DAB1: variants seen among roughly 807,000 people sequenced by gnomAD.
DAB1 encodes the protein disabled homolog 1.
In DAB1, 15 loss-of-function variants were observed where a neutral mutation model predicts 64.6. The ratio of observed to expected loss-of-function variants is 0.23; its 90% CI spans 0.16 to 0.36. The LOEUF (loss-of-function observed/expected upper bound fraction) is 0.36. Ranked by LOEUF, DAB1 falls within the 10% of genes least tolerant of loss-of-function variation. DAB1 has a pLI of 1.00. For synonymous variants in DAB1, 235 were observed against 251.9 expected, an observed-to-expected ratio of 0.93 and a Z score of 0.64; for missense variants, 596 against 706.7, an observed-to-expected ratio of 0.84 and a Z score of 1.78.
At chr1:57,935,901 A>T (rs77515823) in intron 5 of DAB1, among the ~76,000 whole-genome samples, 11 of 152,206 alleles carry the variant, frequency 7.2e-5, no homozygotes, top group Non-Finnish European at 1.3e-4. Context: ...GCAGATCTCA[A>T]TTTTTGCAAT....
chr1:57,429,760 T>C (rs987210313), intron 7 of DAB1, among the ~76,000 whole-genome samples: 2 of 152,232 alleles, frequency 1.3e-5, no homozygotes, highest in African/African-American at 4.8e-5. Context: ...TTCCCCTTTA[T>C]GTATGCTTGG....
intron 4 of DAB1, among the ~76,000 whole-genome samples, chr1:57,108,041 A>G (rs1314244985): frequency 3.3e-5 from 5 of 152,104 alleles, no homozygotes; most frequent in Non-Finnish European, 7.4e-5. Context: ...AGGCCCTGCT[A>G]TTCAGTGTCA....
At chr1:58,515,346 T>C (rs1196002597) in intron 2 of DAB1, among the ~76,000 whole-genome samples, 1 of 152,224 alleles carries the variant, frequency 6.6e-6, no homozygotes, top group Non-Finnish European at 1.5e-5. Flanking sequence ...ATGTTGGTCA[T>C]TTAATCTTAA....
chr1:57,468,215 A>G (rs1687020134), intron 7 of DAB1, among the ~76,000 whole-genome samples: 1 of 152,188 alleles, frequency 6.6e-6, no homozygotes, highest in East Asian at 1.9e-4. Context: ...GAGTCAAGGA[A>G]TAAATGAATG....
chr1:57,609,815 A>G (rs1645704212), intron 7 of DAB1, among the ~76,000 whole-genome samples: 1 of 152,200 alleles, frequency 6.6e-6, no homozygotes, highest in Non-Finnish European at 1.5e-5. Flanking sequence ...TTTACACTCC[A>G]GATGTTAAAA....
At chr1:58,229,670 C>T (rs184650675) in intron 4 of DAB1, among the ~76,000 whole-genome samples, 75 of 152,210 alleles carry the variant, frequency 4.9e-4, no homozygotes, top group South Asian at 1.0e-3. Context: ...AACGTACTTG[C>T]AGAGGGGTCA....
chr1:57,489,657 C>T (rs557853071), intron 7 of DAB1, among the ~76,000 whole-genome samples: 4 of 148,176 alleles, frequency 2.7e-5, no homozygotes, highest in African/African-American at 1.1e-4. Context: ...TATCTTTTGC[C>T]CAGCTGAAGC....
chr1:58,252,514 G>A lies in DAB1; in HGVS notation n.309+90838C>T, dbSNP rs532745726. Among the ~76,000 whole-genome samples, 613 of 152,156 alleles carry A rather than the reference G, an allele frequency of 4.0e-3. 2 individuals are homozygous for A. The highest frequency in any genetic ancestry group is 0.014 in the African/African-American group (584 of 41,512). On this transcript the variant is annotated intron_variant and non_coding_transcript_variant, in intron 4 of 20. Coordinates refer to the DAB1 transcript ENST00000485760. ...GTAGAGCCAGAGATGGCAAGAAAGG[G>A]AAACAGACAGTCCTTTCTCTCTTAG...
intron 4 of DAB1, among the ~76,000 whole-genome samples, chr1:58,333,421 T>C (rs1034615450): frequency 6.6e-6 from 1 of 152,200 alleles, no homozygotes; most frequent in Admixed American, 6.5e-5. Context: ...AATAAAATTA[T>C]AGGTGTCCAC....
chr1:57,331,440 G>A (rs115363124), intron 1 of DAB1, among the ~76,000 whole-genome samples: 2,576 of 152,292 alleles, frequency 0.017, 60 homozygotes, highest in African/African-American at 0.051. Flanking sequence ...TGGCACCATG[G>A]TTAAGAGTAT....
intron 5 of DAB1, among the ~76,000 whole-genome samples, chr1:58,037,295 C>A (rs11587634): frequency 0.34 from 52,215 of 151,926 alleles, 10,478 homozygotes; most frequent in Non-Finnish European, 0.45. Flanking sequence ...TGCTCTTACT[C>A]CCTTTTTCTG....
chr1:57,383,956 A>T (rs3861833), intron 1 of DAB1, among the ~76,000 whole-genome samples: 1 of 151,968 alleles, frequency 6.6e-6, no homozygotes, highest in Non-Finnish European at 1.5e-5. Flanking sequence ...ACATGATCAA[A>T]AGAGTAATAA....
chr1:57,082,845 A>T (rs533566947), intron 4 of DAB1, among the ~76,000 whole-genome samples: 2 of 152,334 alleles, frequency 1.3e-5, no homozygotes, highest in Middle Eastern at 3.4e-3. Context: ...ATGTCCCTGC[A>T]AAAGACATAA....
At chr1:58,330,923 C>A (rs965027574) in intron 4 of DAB1, among the ~76,000 whole-genome samples, 3 of 152,198 alleles carry the variant, frequency 2.0e-5, no homozygotes, top group Non-Finnish European at 4.4e-5. Flanking sequence ...ACACAACATT[C>A]ATTCTGCAGT....
At chr1:57,518,332 A>G (rs1033867829) in intron 7 of DAB1, among the ~76,000 whole-genome samples, 4 of 151,644 alleles carry the variant, frequency 2.6e-5, no homozygotes, top group Admixed American at 1.3e-4. Context: ...TTTGCACGCC[A>G]CTCCCTTCTG....
intron 7 of DAB1, among the ~76,000 whole-genome samples, chr1:57,597,576 T>C (rs1363549729): frequency 6.6e-6 from 1 of 152,238 alleles, no homozygotes; most frequent in African/African-American, 2.4e-5. Context: ...CTTTATTTAG[T>C]CCAACACCTG....
chr1:57,303,573 AG>A (rs1673858874), intron 1 of DAB1, among the ~76,000 whole-genome samples: 1 of 152,214 alleles, frequency 6.6e-6, no homozygotes, highest in Non-Finnish European at 1.5e-5. Context: ...AAAGATGAAC[AG>A]GGAGAAGCCA....
At chr1:58,125,453 T>C (rs1653006019) in intron 5 of DAB1, among the ~76,000 whole-genome samples, 1 of 151,814 alleles carries the variant, frequency 6.6e-6, no homozygotes, top group Non-Finnish European at 1.5e-5. Flanking sequence ...TTTTTTTTTT[T>C]TTTTCGAGAC....
intron 6 of DAB1, among the ~76,000 whole-genome samples, chr1:57,749,410 A>C (rs1648447698): frequency 6.6e-6 from 1 of 152,232 alleles, no homozygotes; most frequent in Admixed American, 6.5e-5. Flanking sequence ...GAATTGAATT[A>C]ATTGATAACA....
Sources: gnomAD v4.1 joint callset for allele counts (sites outside exome capture counted in the v4.1 genomes callset) on GRCh38, gnomAD v4.1.1 for gene constraint, MANE v1.5 for transcripts, NCBI Gene and HGNC (gene_info 2026-07-23, HGNC 2026-07-21) for gene names.